WDR64: variants seen among roughly 807,000 people sequenced by gnomAD.
WDR64 encodes WD repeat domain 64.
WDR64 carries 112 observed loss-of-function variants against 139.3 expected under a neutral mutation model. The observed-to-expected ratio is 0.80, with a 90% CI of 0.69 to 0.94. WDR64 has a LOEUF of 0.94. Ranked by LOEUF, WDR64 falls within the 40% of genes least tolerant of loss-of-function variation. The probability of loss-of-function intolerance (pLI) is 0.00; values close to 1 mark genes in which losing one functional copy is unlikely to be tolerated. For synonymous variants in WDR64, 444 were observed against 437.7 expected (o/e 1.01, Z -0.18); for missense variants, 1,206 against 1,293.1 (o/e 0.93, Z 1.03).
chr1:241,733,084 A>C (rs1669154370), intron 10 of WDR64, among the ~76,000 whole-genome samples: 1 of 152,184 alleles, frequency 6.6e-6, no homozygotes, highest in African/African-American at 2.4e-5. Flanking sequence ...GACTTCAATT[A>C]CAAATTACCC....
chr1:241,692,467 C>T (rs1355017936), intron 8 of WDR64, among the ~76,000 whole-genome samples: 1 of 151,982 alleles, frequency 6.6e-6, no homozygotes, highest in African/African-American at 2.4e-5. Context: ...AGAAATAGAC[C>T]CACATAAATA....
chr1:241,778,704 C>T (rs1356605531), intron 21 of WDR64, among the ~76,000 whole-genome samples: 2 of 151,872 alleles, frequency 1.3e-5, no homozygotes, highest in African/African-American at 4.8e-5. Flanking sequence ...AGTGGTTGCC[C>T]TAGAGTTAAT....
At chr1:241,753,171 A>T (rs1670042243) in intron 14 of WDR64, among the ~76,000 whole-genome samples, 1 of 152,192 alleles carries the variant, frequency 6.6e-6, no homozygotes, top group South Asian at 2.1e-4. Context: ...TGCAAATAAG[A>T]AAAATAGGGC....
At chr1:241,721,750 T>C (rs1176620963) in intron 9 of WDR64, among the ~76,000 whole-genome samples, 2 of 152,188 alleles carry the variant, frequency 1.3e-5, no homozygotes, top group Non-Finnish European at 2.9e-5. Context: ...AAATATTCTA[T>C]GTTTTGTAAA....
intron 21 of WDR64, among the ~76,000 whole-genome samples, chr1:241,775,663 TTC>T (rs1400980336): frequency 6.6e-6 from 1 of 152,184 alleles, no homozygotes; most frequent in East Asian, 1.9e-4. Flanking sequence ...TCTAACAAAA[TTC>T]TTTCTTCCAT....
chr1:241,729,133 T>C (rs1459673954), intron 10 of WDR64, among the ~76,000 whole-genome samples: 1 of 152,238 alleles, frequency 6.6e-6, no homozygotes, highest in Non-Finnish European at 1.5e-5. Context: ...AACTTCAAAG[T>C]CACCTTTGAT....
At chr1:241,752,069 CCTTTT>C in intron 14 of WDR64, among the ~76,000 whole-genome samples, 1 of 152,268 alleles carries the variant, frequency 6.6e-6, no homozygotes, top group South Asian at 2.1e-4. Flanking sequence ...TACTTCCCTT[CCTTTT>C]AACCACAGTG....
chr1:241,750,335 A>G (rs12075350), intron 14 of WDR64, among the ~76,000 whole-genome samples: 22,793 of 152,150 alleles, frequency 0.15, 1,904 homozygotes, highest in African/African-American at 0.19. Flanking sequence ...CGAACTCAAG[A>G]ACTCATTGCC....
intron 27 of WDR64, among the ~76,000 whole-genome samples, chr1:241,796,825 G>A (rs1659382390): frequency 6.6e-6 from 1 of 152,166 alleles, no homozygotes; most frequent in Non-Finnish European, 1.5e-5. Context: ...TATTCCAGAT[G>A]TGTGTGTTTT....
At chr1:241,701,157 A>G (rs1005516765) in intron 8 of WDR64, among the ~76,000 whole-genome samples, 1 of 152,252 alleles carries the variant, frequency 6.6e-6, no homozygotes, top group Non-Finnish European at 1.5e-5. Flanking sequence ...TTAATCAAAT[A>G]TAATACCTTT....
chr1:241,735,684 AC>A (rs1212166224), intron 10 of WDR64, among the ~76,000 whole-genome samples: 1 of 151,564 alleles, frequency 6.6e-6, no homozygotes, highest in African/African-American at 2.4e-5. Context: ...ACAGGCGTGC[AC>A]CATCATGCTC....
chr1:241,749,524 A>G, intron 13 of WDR64, 23 bp from the exon 14 acceptor site: 4 of 1,600,818 alleles, frequency 2.5e-6, no homozygotes, highest in Non-Finnish European at 3.4e-6. Flanking sequence ...TTACCCACAT[A>G]GTCTTTTTCT....
intron 6 of WDR64, among the ~76,000 whole-genome samples, chr1:241,683,196 C>T (rs1666877946): frequency 6.6e-6 from 1 of 151,814 alleles, no homozygotes; most frequent in Non-Finnish European, 1.5e-5. Context: ...CTTATAAATC[C>T]AAAAAAAGGC....
chr1:241,693,671 C>T, intron 8 of WDR64, among the ~76,000 whole-genome samples: 1 of 152,156 alleles, frequency 6.6e-6, no homozygotes, highest in South Asian at 2.1e-4. Flanking sequence ...TGTGCCTTCC[C>T]CTCAGTTCTG....
intron 12 of WDR64, 83 bp from the exon 13 acceptor site, chr1:241,744,310 C>T: frequency 6.5e-7 from 1 of 1,539,278 alleles, no homozygotes; most frequent in East Asian, 2.3e-5. Context: ...ATTTTTGAGG[C>T]TGTTTTGAAT....
intron 22 of WDR64, among the ~76,000 whole-genome samples, chr1:241,781,092 T>C (rs1284893515): frequency 6.6e-6 from 1 of 152,208 alleles, no homozygotes; most frequent in Non-Finnish European, 1.5e-5. Flanking sequence ...CTGATGATTA[T>C]TATATTGTAT....
At position 241,699,496 on chromosome 1, in the gene WDR64, C is replaced by T. The variant is rs1316662501; in HGVS notation, c.974+11901C>T. Among the ~76,000 whole-genome samples, 7 of 152,022 alleles carry T rather than the reference C, an allele frequency of 4.6e-5. No homozygotes were observed. The East Asian group carries it at 9.6e-4, about 21-fold the overall frequency. ...AAGGAGAAAACAAATGAATGAATTC[C>T]CACAGAGGGTGATAAGTGCCATGAT... On this transcript the variant is annotated intron_variant, in intron 8 of 27. Transcript: ENST00000437684.
chr1:241,659,332 C>T (rs944423346), intron 1 of WDR64, among the ~76,000 whole-genome samples: 3 of 152,110 alleles, frequency 2.0e-5, no homozygotes, highest in African/African-American at 7.2e-5. Context: ...GTATTGATTC[C>T]ATATCTTTGC....
At chr1:241,798,146 G>C (rs1659421536) in intron 27 of WDR64, among the ~76,000 whole-genome samples, 1 of 151,992 alleles carries the variant, frequency 6.6e-6, no homozygotes, top group Admixed American at 6.6e-5. Context: ...CAAACACAAA[G>C]ACATTTTTAA....
Sources: gnomAD v4.1 joint callset for allele counts (sites outside exome capture counted in the v4.1 genomes callset) on GRCh38, gnomAD v4.1.1 for gene constraint, MANE v1.5 for transcripts, NCBI Gene and HGNC (gene_info 2026-07-23, HGNC 2026-07-21) for gene names.